Variants in FAT3 observed in about 807,000 individuals in gnomAD.
The protein encoded by FAT3 is protocadherin Fat 3.
In FAT3, 95 loss-of-function variants were observed where a neutral mutation model predicts 310.2. The ratio of observed to expected loss-of-function variants is 0.31; its 90% CI spans 0.26 to 0.36. The LOEUF (loss-of-function observed/expected upper bound fraction) is 0.36, where lower values mean the gene tolerates loss of function less well. Ranked by LOEUF, FAT3 falls within the 10% of genes least tolerant of loss-of-function variation. FAT3 has a pLI of 1.00. For missense variants in FAT3, 5,408 were observed against 5,715.6 expected, an observed-to-expected ratio of 0.95 and a Z score of 1.74; for synonymous variants, 2,314 against 2,192.9, an observed-to-expected ratio of 1.06 and a Z score of -1.54.
chr11:92,296,802 A>T (rs1946862455), intron 1 of FAT3, among the ~76,000 whole-genome samples: 1 of 152,074 alleles, frequency 6.6e-6, no homozygotes, highest in Non-Finnish European at 1.5e-5. Context: ...GCTGCCTTAA[A>T]TCATGGCAGT....
chr11:92,394,285 A>G (rs574411530), intron 2 of FAT3, among the ~76,000 whole-genome samples: 38 of 152,288 alleles, frequency 2.5e-4, no homozygotes, highest in African/African-American at 8.7e-4. Flanking sequence ...CCTGGGCAAC[A>G]TGGCAAAACC....
At chr11:92,687,053 C>A (rs1328521507) in intron 3 of FAT3, among the ~76,000 whole-genome samples, 1 of 152,080 alleles carries the variant, frequency 6.6e-6, no homozygotes, top group African/African-American at 2.4e-5. Flanking sequence ...GTTGAACAAT[C>A]CAGATACAAT....
intron 1 of FAT3, among the ~76,000 whole-genome samples, chr11:92,236,975 A>G (rs1375062452): frequency 6.6e-6 from 1 of 152,068 alleles, no homozygotes; most frequent in African/African-American, 2.4e-5. Context: ...TGATAGAGGC[A>G]AATGTAAATC....
At chr11:92,504,226 A>C (rs1953033130) in intron 2 of FAT3, among the ~76,000 whole-genome samples, 1 of 152,154 alleles carries the variant, frequency 6.6e-6, no homozygotes, top group African/African-American at 2.4e-5. Context: ...AATGAGCCAG[A>C]CTTCTTGGGA....
At chr11:92,482,482 T>A (rs1952254979) in intron 2 of FAT3, among the ~76,000 whole-genome samples, 1 of 152,140 alleles carries the variant, frequency 6.6e-6, no homozygotes, top group Non-Finnish European at 1.5e-5. Flanking sequence ...CTTAAAAAGA[T>A]TAAATTGCTC....
chr11:92,292,598 A>G (rs972645604), intron 1 of FAT3, among the ~76,000 whole-genome samples: 1 of 152,088 alleles, frequency 6.6e-6, no homozygotes, highest in African/African-American at 2.4e-5. Context: ...GTGATAGTGT[A>G]TAAAAATTTG....
intron 2 of FAT3, chr11:92,366,964 G>A (rs1949038441): frequency 1.3e-5 from 7 of 526,820 alleles, no homozygotes; most frequent in South Asian, 9.7e-5. Flanking sequence ...TATTGACTCT[G>A]GTCAGACACC....
chr11:92,304,762 G>T (rs1947079107), intron 1 of FAT3, among the ~76,000 whole-genome samples: 1 of 152,058 alleles, frequency 6.6e-6, no homozygotes. Flanking sequence ...GGGCACAAAT[G>T]AAGCACAGGC....
intron 1 of FAT3, among the ~76,000 whole-genome samples, chr11:92,280,270 G>C (rs1946387781): frequency 6.6e-6 from 1 of 152,048 alleles, no homozygotes; most frequent in Middle Eastern, 3.2e-3. Context: ...TGTTCTTATA[G>C]CAGCTATGAA....
chr11:92,585,077 G>A (rs1217831390), intron 3 of FAT3, among the ~76,000 whole-genome samples: 1 of 151,956 alleles, frequency 6.6e-6, no homozygotes, highest in African/African-American at 2.4e-5. Context: ...AATGATTAAA[G>A]CAGTCAAAGA....
chr11:92,878,647 AAAAAAAAAAAAAAAAAAAAAG>A (rs1368552972), intron 22 of FAT3, among the ~76,000 whole-genome samples: 2 of 125,032 alleles, frequency 1.6e-5, no homozygotes, highest in African/African-American at 7.8e-5. Context: ...AAAAAAAAAA[AAAAAAAAAAAAAAAAAAAAAG>A]CTCCGCACAA....
intron 1 of FAT3, among the ~76,000 whole-genome samples, chr11:92,252,186 C>T (rs189965387): frequency 1.3e-5 from 2 of 152,244 alleles, no homozygotes; most frequent in Admixed American, 6.5e-5. Flanking sequence ...GGAGTCAAAA[C>T]CCACACATCA....
chr11:92,565,275 T>C (rs1014877998), intron 3 of FAT3, among the ~76,000 whole-genome samples: 2 of 151,554 alleles, frequency 1.3e-5, no homozygotes, highest in East Asian at 3.9e-4. Flanking sequence ...GCAAATAAAC[T>C]AGAAAATCTA....
chr11:92,853,259 C>T (rs532176167), intron 19 of FAT3, among the ~76,000 whole-genome samples: 2 of 152,260 alleles, frequency 1.3e-5, no homozygotes, highest in Non-Finnish European at 2.9e-5. Flanking sequence ...GGCGCCAGCT[C>T]AGGTACCAGC....
intron 3 of FAT3, among the ~76,000 whole-genome samples, chr11:92,592,318 C>CTTTTTTTT (rs753531647): frequency 1.8e-5 from 2 of 108,242 alleles, no homozygotes; most frequent in East Asian, 2.9e-4. Context: ...TCCTAATTGT[C>CTTTTTTTT]TTTTTTTTTT....
chr11:92,611,618 T>A (rs927741198), intron 3 of FAT3, among the ~76,000 whole-genome samples: 2 of 151,976 alleles, frequency 1.3e-5, no homozygotes, highest in African/African-American at 4.8e-5. Flanking sequence ...GGTCTTGAAC[T>A]CCTGGCCTCA....
rs764210894 is a variant in FAT3, at chr11:92,354,162, A to G, written c.2050A>G (p.Arg684Gly). ...GKVSSKSFSC[R>G]ETRVAQKLAE... ...AGTGTCTTCAAAGAGCTTCAGTTGC[A>G]GAGAAACTCGTGTGGCTCAAAAGCT... Residue 684 changes from arginine (R) to glycine (G), a missense_variant, in exon 2 of 28, where the codon AGA becomes GGA. This residue lies in a region of FAT3 where 4,588 missense variants were observed against 4,809.8 expected (regional missense o/e 0.95). Transcript: ENST00000525166. 1.2e-6 allele frequency: 2 copies of G among 1,613,916 alleles called. No individual in the cohort carries two copies. The highest frequency in any genetic ancestry group is 1.3e-5 in the African/African-American group (1 of 75,052).
chr11:92,622,970 C>T (rs990822279), intron 3 of FAT3, among the ~76,000 whole-genome samples: 7 of 152,070 alleles, frequency 4.6e-5, no homozygotes, highest in Non-Finnish European at 7.4e-5. Flanking sequence ...CCCCTGACCA[C>T]GAGATCCCCC....
chr11:92,559,090 T>C (rs530590066), intron 3 of FAT3, among the ~76,000 whole-genome samples: 3 of 152,296 alleles, frequency 2.0e-5, no homozygotes, highest in African/African-American at 7.2e-5. Flanking sequence ...TATGATAATA[T>C]AGTATTTAAA....
Sources: gnomAD v4.1 joint callset for allele counts (sites outside exome capture counted in the v4.1 genomes callset) on GRCh38, gnomAD v4.1.1 for gene constraint, gnomAD v4.1.1 regional missense constraint, MANE v1.5 for transcripts, NCBI Gene and HGNC (gene_info 2026-07-23, HGNC 2026-07-21) for gene names.